Variants in NRXN1 observed in about 807,000 individuals in gnomAD.
NRXN1 encodes the protein neurexin 1.
In NRXN1, 39 loss-of-function variants were observed where a neutral mutation model predicts 150.9. The ratio of observed to expected loss-of-function variants is 0.26; its 90% confidence interval spans 0.20 to 0.34. NRXN1 has a LOEUF of 0.34. Among genes scored for constraint, NRXN1 ranks in the 10% least tolerant of loss-of-function variants. The pLI is 1.00. For missense variants in NRXN1, 1,815 were observed against 1,949.9 expected, an observed-to-expected ratio of 0.93 and a Z score of 1.30; for synonymous variants, 924 against 757.0, an observed-to-expected ratio of 1.22 and a Z score of -3.62.
chr2:50,691,588 T>A (rs1692081551), intron 5 of NRXN1, among the ~76,000 whole-genome samples: 1 of 152,208 alleles, frequency 6.6e-6, no homozygotes, highest in Admixed American at 6.5e-5. Flanking sequence ...GCTTTTCTAT[T>A]GTTTTACGAT....
At chr2:50,284,136 G>A (rs2071811793) in intron 17 of NRXN1, among the ~76,000 whole-genome samples, 2 of 152,146 alleles carry the variant, frequency 1.3e-5, no homozygotes, top group South Asian at 2.1e-4. Context: ...TGGAAATTAT[G>A]GTGATTCTCT....
chr2:50,361,535 T>C (rs1388776983), intron 17 of NRXN1, among the ~76,000 whole-genome samples: 1 of 152,102 alleles, frequency 6.6e-6, no homozygotes, highest in Non-Finnish European at 1.5e-5. Context: ...CATTCCTGGA[T>C]ATATACACCC....
At chr2:50,682,457 C>A (rs1690544566) in intron 5 of NRXN1, among the ~76,000 whole-genome samples, 1 of 152,046 alleles carries the variant, frequency 6.6e-6, no homozygotes. Flanking sequence ...TGCTAAATTT[C>A]CTTGGCTTAT....
chr2:50,828,552 G>A (rs1670877853), intron 5 of NRXN1, among the ~76,000 whole-genome samples: 2 of 151,342 alleles, frequency 1.3e-5, no homozygotes, highest in African/African-American at 2.4e-5. Flanking sequence ...TCCCAGACGG[G>A]GTCGCGGCCG....
At chr2:50,853,615 T>C (rs2105988966) in intron 5 of NRXN1, among the ~76,000 whole-genome samples, 1 of 152,230 alleles carries the variant, frequency 6.6e-6, no homozygotes, top group African/African-American at 2.4e-5. Flanking sequence ...CACATATTCA[T>C]ATGTCAGGAC....
intron 17 of NRXN1, among the ~76,000 whole-genome samples, chr2:50,335,628 G>C (rs1463495734): frequency 6.6e-6 from 1 of 152,186 alleles, no homozygotes; most frequent in African/African-American, 2.4e-5. Flanking sequence ...CAATAGCCTT[G>C]ACAGTTCAGT....
intron 5 of NRXN1, among the ~76,000 whole-genome samples, chr2:50,836,789 T>G (rs988635723): frequency 6.6e-6 from 1 of 151,654 alleles, no homozygotes; most frequent in South Asian, 2.1e-4. Flanking sequence ...CTTTAGATTC[T>G]TATATCCTTA....
intron 17 of NRXN1, among the ~76,000 whole-genome samples, chr2:50,446,964 A>T (rs1359042554): frequency 6.6e-6 from 1 of 152,124 alleles, no homozygotes; most frequent in Non-Finnish European, 1.5e-5. Context: ...AATACCATGC[A>T]ATTCAGGTAA....
chr2:50,134,155 G>A (rs1037193990), intron 18 of NRXN1, among the ~76,000 whole-genome samples: 2 of 150,846 alleles, frequency 1.3e-5, no homozygotes, highest in Non-Finnish European at 2.9e-5. Flanking sequence ...ATCAGTAAAG[G>A]AATATAACTA....
intron 5 of NRXN1, among the ~76,000 whole-genome samples, chr2:50,630,224 A>G (rs916644597): frequency 7.9e-5 from 12 of 151,710 alleles, no homozygotes; most frequent in African/African-American, 2.9e-4. Flanking sequence ...TATAGAAAAA[A>G]AAGTTAACCA....
At chr2:50,412,609 C>G (rs2083270847) in intron 17 of NRXN1, among the ~76,000 whole-genome samples, 1 of 151,660 alleles carries the variant, frequency 6.6e-6, no homozygotes, top group Admixed American at 6.6e-5. Context: ...TCATAAAATC[C>G]TCACTTGCAT....
At chr2:50,341,901 T>G (rs187426380) in intron 17 of NRXN1, among the ~76,000 whole-genome samples, 1 of 152,208 alleles carries the variant, frequency 6.6e-6, no homozygotes, top group Non-Finnish European at 1.5e-5. Context: ...ATAAACTTTA[T>G]GTTTTTTGCA....
chr2:50,713,697 A>T (rs961773942), intron 5 of NRXN1, among the ~76,000 whole-genome samples: 1 of 152,198 alleles, frequency 6.6e-6, no homozygotes, highest in Non-Finnish European at 1.5e-5. Context: ...ACAAAAAAAA[A>T]CAGATAAATT....
intron 22 of NRXN1, among the ~76,000 whole-genome samples, chr2:49,942,617 A>ATTAT: frequency 6.7e-6 from 1 of 149,752 alleles, no homozygotes; most frequent in East Asian, 2.0e-4. Flanking sequence ...TTATTATTTT[A>ATTAT]TTATTATTTT....
chr2:50,816,240 C>A (rs138061656), intron 5 of NRXN1, among the ~76,000 whole-genome samples: 1 of 151,812 alleles, frequency 6.6e-6, no homozygotes, highest in African/African-American at 2.4e-5. Context: ...CATTGATGAA[C>A]GCTTTGGGAG....
In NRXN1 at chr2:50,288,210, G is replaced by C. The variant is rs906926021; in HGVS notation, c.3365-51240C>G. On this transcript the variant is annotated intron_variant, in intron 17 of 22. Transcript: ENST00000401669. ...TTTATTTAACAATGAAGCTAAAGCA[G>C]TGGTTGTCAATTGGAGAAGATTTTA... 7.2e-5 allele frequency among the ~76,000 whole-genome samples: 11 copies of C among 152,128 alleles called. No homozygotes were observed. The East Asian group carries it at 2.1e-3, about 29-fold the overall frequency.
intron 21 of NRXN1, among the ~76,000 whole-genome samples, chr2:50,046,907 G>T (rs574171246): frequency 4.6e-5 from 7 of 152,238 alleles, no homozygotes; most frequent in African/African-American, 1.7e-4. Context: ...CTATTAGAAG[G>T]AGTAATACAT....
Position 50,271,878 on chromosome 2 carries a change from T to C in NRXN1, c.3365-34908A>G, listed in dbSNP as rs2069717141. 2.6e-5 allele frequency among the ~76,000 whole-genome samples: 4 copies of C among 152,210 alleles called. No individual in the cohort carries two copies. The South Asian group carries it at 8.3e-4, about 32-fold the overall frequency. ...AAATAAAACTAAAGAACAGCCAATC[T>C]ATGAAGAAGTATTTCCTATGGACTG... On this transcript the variant is annotated intron_variant, in intron 17 of 22. Coordinates refer to ENST00000401669, the MANE Select transcript of NRXN1 (RefSeq NM_001330078.2).
At chr2:49,932,154 G>C (rs1248445596) in intron 22 of NRXN1, among the ~76,000 whole-genome samples, 1 of 152,258 alleles carries the variant, frequency 6.6e-6, no homozygotes, top group East Asian at 1.9e-4. Context: ...GGTAATTCAT[G>C]CCTGTAATCC....
Sources: allele counts gnomAD v4.1 joint callset (sites outside exome capture counted in the v4.1 genomes callset), GRCh38; gene constraint gnomAD v4.1.1; transcripts MANE v1.5; gene names NCBI Gene and HGNC (gene_info 2026-07-23, HGNC 2026-07-21).